Variants in GCNT2 observed in about 807,000 individuals in gnomAD.
GCNT2 encodes N-acetyllactosaminide beta-1,6-N-acetylglucosaminyl-transferase.
A neutral mutation model predicts 34.2 loss-of-function variants in GCNT2; 34 were observed. That is an observed-to-expected ratio of 1.00 (90% CI 0.76 to 1.32). The LOEUF is 1.32. Among genes scored for constraint, GCNT2 ranks in the 40% most tolerant of loss-of-function variants. The probability of loss-of-function intolerance (pLI) is 0.00; values close to 1 mark genes in which losing one functional copy is unlikely to be tolerated. For missense variants in GCNT2, 584 were observed against 489.4 expected, an observed-to-expected ratio of 1.19 and a Z score of -1.82; for synonymous variants, 212 against 188.0, an observed-to-expected ratio of 1.13 and a Z score of -1.04.
At chr6:10,621,632 T>A in intron 4 of GCNT2, 189 bp downstream of exon 4, 1 of 616,794 alleles carries the variant, frequency 1.6e-6, no homozygotes, top group South Asian at 1.7e-5. Context: ...ATTGATGTTC[T>A]CTAACTTATA....
chr6:10,570,786 T>C (rs1763521949), intron 3 of GCNT2, among the ~76,000 whole-genome samples: 1 of 152,228 alleles, frequency 6.6e-6, no homozygotes, highest in Non-Finnish European at 1.5e-5. Context: ...GTCCTTGCTA[T>C]GTTTTGGGCC....
intron 4 of GCNT2, among the ~76,000 whole-genome samples, chr6:10,622,435 C>T (rs1425033530): frequency 6.6e-6 from 1 of 151,924 alleles, no homozygotes; most frequent in Non-Finnish European, 1.5e-5. Flanking sequence ...GGTCTTCCCT[C>T]TGTGCGTGTC....
chr6:10,537,722 A>AAAAAAAAAC (rs1761836280), intron 3 of GCNT2, among the ~76,000 whole-genome samples: 1 of 142,128 alleles, frequency 7.0e-6, no homozygotes, highest in African/African-American at 2.7e-5. Context: ...AAAAAAAAAA[A>AAAAAAAAAC]AAAACAAAAC....
In GCNT2 at chr6:10,618,757, A is replaced by AGATAGGCAAGCATCAAAATAATT. The variant is rs565446438; in HGVS notation, c.926-2592_926-2570dup. The stretch of plus-strand genomic sequence containing the variant: ...AGAACAAAACAAGGTAGCTTCCTTT[A>AGATAGGCAAGCATCAAAATAATT]GATAGGCAAGCATCAAAATAATTGT... On this transcript the variant is annotated intron_variant, in intron 3 of 4. Coordinates refer to ENST00000495262, the MANE Select transcript of GCNT2 (RefSeq NM_145649.5). Among the ~76,000 whole-genome samples, 50 of 147,816 alleles carry AGATAGGCAAGCATCAAAATAATT rather than the reference A, an allele frequency of 3.4e-4. No homozygotes were observed. In the South Asian group the frequency reaches 0.01, roughly 30 times the overall value.
At chr6:10,589,315 G>C (rs1764528813) in intron 3 of GCNT2, among the ~76,000 whole-genome samples, 1 of 118,308 alleles carries the variant, frequency 8.5e-6, no homozygotes, top group Non-Finnish European at 2.0e-5. Flanking sequence ...TGGTGTGTTT[G>C]TAGTGTGGTG....
chr6:10,528,894 C>G lies in GCNT2; in HGVS notation c.-18C>G, dbSNP rs1173923221. On this transcript the variant is annotated 5_prime_UTR_variant, in exon 3 of 5. Transcript: ENST00000495262. ...CCTATCTCAAGAGAGAGATATTTTACTCATTTCCTGGTTGTGAATGATGGG... is the reference window on the plus strand; with the variant it reads ...CCTATCTCAAGAGAGAGATATTTTAGTCATTTCCTGGTTGTGAATGATGGG... 32 of 1,574,046 alleles carry G rather than the reference C, an allele frequency of 2.0e-5. No homozygotes were observed. Among genetic ancestry groups the G allele is most frequent in the Non-Finnish European group, 2.8e-5 (32 of 1,143,798 alleles).
In GCNT2 at chr6:10,626,917, CTCA is replaced by C. The variant is rs1766282907; in HGVS notation, c.*315_*317del. 2.9e-6 allele frequency: 1 copy of C among 349,962 alleles called. No homozygotes were observed. The highest frequency in any genetic ancestry group is 5.4e-6 in the Non-Finnish European group (1 of 185,730). 21.7% of individuals were successfully genotyped at this position (349,962 alleles called of 1,614,324 possible). A position where few individuals can be genotyped will look rare whatever the true frequency, so the allele number is the denominator to read the frequency against. On this transcript the variant is annotated 3_prime_UTR_variant, in exon 5 of 5. Transcript: ENST00000495262. ...TGACCTCAGATCTTTGCACCAGATA[CTCA>C]TCATATACAAATGTTTTAGTAAAAA...
intron 3 of GCNT2, among the ~76,000 whole-genome samples, chr6:10,590,673 C>A (rs553016001): frequency 1.7e-4 from 26 of 151,952 alleles, no homozygotes; most frequent in Non-Finnish European, 3.1e-4. Flanking sequence ...CCTGCCTCAG[C>A]CTCCCGAGTA....
At chr6:10,581,944 A>T in intron 3 of GCNT2, 1 of 777,740 alleles carries the variant, frequency 1.3e-6, no homozygotes, top group South Asian at 5.8e-5. Flanking sequence ...GTGTGTGAAT[A>T]TACATAATAA....
At chr6:10,567,709 A>G (rs1220476435) in intron 3 of GCNT2, among the ~76,000 whole-genome samples, 1 of 152,196 alleles carries the variant, frequency 6.6e-6, no homozygotes, top group Non-Finnish European at 1.5e-5. Context: ...TCTCCTGTCC[A>G]CAATGCAATG....
intron 3 of GCNT2, among the ~76,000 whole-genome samples, chr6:10,618,197 TTC>T (rs1373693127): frequency 6.6e-6 from 1 of 152,244 alleles, no homozygotes; most frequent in Admixed American, 6.5e-5. Context: ...ATTCAACTTG[TTC>T]TGTTTGCCCT....
chr6:10,555,119 G>A (rs1191848712), intron 3 of GCNT2, among the ~76,000 whole-genome samples: 1 of 152,174 alleles, frequency 6.6e-6, no homozygotes, highest in African/African-American at 2.4e-5. Flanking sequence ...TTCTGCATGG[G>A]GTGGGGTAGT....
intron 3 of GCNT2, among the ~76,000 whole-genome samples, chr6:10,585,372 G>C (rs1003846404): frequency 6.6e-6 from 1 of 152,124 alleles, no homozygotes; most frequent in South Asian, 2.1e-4. Context: ...ATCTGTGTCT[G>C]TATGTGCCCA....
At chr6:10,550,344 T>C (rs1315381906) in intron 3 of GCNT2, among the ~76,000 whole-genome samples, 2 of 151,884 alleles carry the variant, frequency 1.3e-5, no homozygotes, top group African/African-American at 4.8e-5. Context: ...CCTAACATTT[T>C]TTTTTTCTTA....
At position 10,529,730 on chromosome 6, in the gene GCNT2, T is replaced by G; in HGVS notation, c.819T>G (p.Phe273Leu). The G allele has an allele frequency of 1.2e-6, 2 of 1,614,134 alleles. No homozygotes were observed. Among genetic ancestry groups the G allele is most frequent in the Non-Finnish European group, 1.7e-6 (2 of 1,179,960 alleles). ...GTAYVALTRD[F>L]ANFVLQDQLA... ...CCTACGTGGCTCTCACAAGGGACTT[T>G]GCTAACTTCGTCCTCCAAGACCAGC... The change falls in exon 3 of 5, where the codon TTT becomes TTG. Residue 273 changes from phenylalanine (F) to leucine (L), a missense_variant. Phe to Leu is a conservative substitution (Grantham distance 22). Transcript: ENST00000495262.
intron 3 of GCNT2, among the ~76,000 whole-genome samples, chr6:10,562,684 A>C (rs980632529): frequency 2.0e-5 from 3 of 150,526 alleles, no homozygotes; most frequent in Admixed American, 1.3e-4. Context: ...AAAACAAAAA[A>C]AAACCCACAA....
At position 10,535,472 on chromosome 6, in the gene GCNT2, G is replaced by A. The variant is rs1761712251; in HGVS notation, c.925+5636G>A. 3.9e-5 allele frequency among the ~76,000 whole-genome samples: 6 copies of A among 152,290 alleles called. No individual in the cohort carries two copies. The South Asian group carries it at 1.2e-3, about 32-fold the overall frequency. ...TTAGTTTCTTGTGTGATTCAGCTGT[G>A]GATGATTTCCATTTATAAGCCCAAG... On this transcript the variant is annotated intron_variant, in intron 3 of 4. Transcript: ENST00000495262.
intron 3 of GCNT2, among the ~76,000 whole-genome samples, chr6:10,559,767 T>A (rs542416111): frequency 6.6e-6 from 1 of 152,264 alleles, no homozygotes; most frequent in Non-Finnish European, 1.5e-5. Flanking sequence ...TGTCTGATTC[T>A]GCAAGGGATG....
At position 10,529,349 on chromosome 6, in the gene GCNT2, C is replaced by T; in HGVS notation, c.438C>T (p.Cys146=). Residue 146 remains cysteine, a synonymous_variant, in exon 3 of 5, where the codon TGC becomes TGT. Coordinates refer to ENST00000495262, the MANE Select transcript of GCNT2 (RefSeq NM_145649.5). ...FKGAVKQLLS[C]FPNAFLASKK... ...GTGCAGTGAAACAGTTACTCAGCTGCTTCCCAAATGCTTTTCTGGCTTCCA... is the reference window on the plus strand; with the variant it reads ...GTGCAGTGAAACAGTTACTCAGCTGTTTCCCAAATGCTTTTCTGGCTTCCA... 5.0e-6 allele frequency: 8 copies of T among 1,614,078 alleles called. No individual in the cohort carries two copies. Among genetic ancestry groups the T allele is most frequent in the Non-Finnish European group, 6.8e-6 (8 of 1,179,976 alleles).
Sources: gnomAD v4.1 joint callset for allele counts (sites outside exome capture counted in the v4.1 genomes callset) on GRCh38, gnomAD v4.1.1 for gene constraint, MANE v1.5 for transcripts, NCBI Gene and HGNC (gene_info 2026-07-23, HGNC 2026-07-21) for gene names.